PCDHA13: variants seen among roughly 807,000 people sequenced by gnomAD.
PCDHA13 encodes the protein protocadherin alpha 13, also known as protocadherin alpha-13.
A neutral mutation model predicts 64.8 loss-of-function variants in PCDHA13; 54 were observed. The ratio of observed to expected loss-of-function variants is 0.83; its 90% CI spans 0.67 to 1.04. PCDHA13 has a LOEUF of 1.04. PCDHA13 is among the 50% of genes least tolerant of loss of function. The probability of loss-of-function intolerance (pLI) is 0.00; values close to 1 mark genes in which losing one functional copy is unlikely to be tolerated. For missense variants in PCDHA13, 1,248 were observed against 1,254.3 expected (o/e 0.99, Z 0.08); for synonymous variants, 587 against 564.4 (o/e 1.04, Z -0.57).
chr5:140,919,239 C>G (rs2079049864), intron 1 of PCDHA13, among the ~76,000 whole-genome samples: 1 of 152,188 alleles, frequency 6.6e-6, no homozygotes, highest in Non-Finnish European at 1.5e-5. Context: ...CACTTTTTGT[C>G]TTGTCTGTTT....
At chr5:140,892,885 ACCAACCTTTCC>A (rs1269753589) in intron 1 of PCDHA13, among the ~76,000 whole-genome samples, 1 of 152,154 alleles carries the variant, frequency 6.6e-6, no homozygotes, top group Non-Finnish European at 1.5e-5. Flanking sequence ...GTATCCATTA[ACCAACCTTTCC>A]CCATCCTCCT....
chr5:140,886,961 C>T (rs1340952035), intron 1 of PCDHA13, among the ~76,000 whole-genome samples: 1 of 151,926 alleles, frequency 6.6e-6, no homozygotes, highest in South Asian at 2.1e-4. Context: ...CATTTAGCAA[C>T]GAAATTTATT....
chr5:140,911,420 C>T (rs1411930717), intron 1 of PCDHA13, among the ~76,000 whole-genome samples: 1 of 152,134 alleles, frequency 6.6e-6, no homozygotes, highest in Non-Finnish European at 1.5e-5. Context: ...ATGATAAGAA[C>T]TTGTGTCCAA....
intron 1 of PCDHA13, chr5:140,968,754 G>A (rs782271569): frequency 1.2e-5 from 19 of 1,614,052 alleles, no homozygotes; most frequent in South Asian, 2.2e-5. Context: ...GTGGTGGTCC[G>A]AGATAATGGA....
chr5:140,916,819 C>T (rs2077741305), intron 1 of PCDHA13, among the ~76,000 whole-genome samples: 1 of 152,084 alleles, frequency 6.6e-6, no homozygotes, highest in Non-Finnish European at 1.5e-5. Context: ...CATGTGCCAC[C>T]CCTATCCCTC....
rs782421721 is a variant in PCDHA13, at chr5:140,966,807, C to T, written c.2395-12142C>T. Reference sequence around the variant, plus strand: ...ACCAGACCTGCGGCGACAGAGCATCCACGGCTCCGGCGGCCCATGCCCTGG... The same window carrying T: ...ACCAGACCTGCGGCGACAGAGCATCTACGGCTCCGGCGGCCCATGCCCTGG... On this transcript the variant is annotated intron_variant, in intron 1 of 3. Transcript: ENST00000289272. 3 of 1,547,208 alleles carry T rather than the reference C, an allele frequency of 1.9e-6. No homozygotes were observed. The South Asian group carries it at 3.6e-5, about 18-fold the overall frequency.
chr5:140,916,559 G>C (rs1170876334), intron 1 of PCDHA13, among the ~76,000 whole-genome samples: 2 of 152,224 alleles, frequency 1.3e-5, no homozygotes, highest in African/African-American at 4.8e-5. Flanking sequence ...TATTTGTCCA[G>C]GGTGTGTCTA....
chr5:140,954,750 T>C (rs1045434392), intron 1 of PCDHA13, among the ~76,000 whole-genome samples: 7 of 152,228 alleles, frequency 4.6e-5, no homozygotes, highest in Non-Finnish European at 2.9e-5. Flanking sequence ...TAGTTTCTTT[T>C]GCTGTGCAGA....
At chr5:140,942,105 A>G (rs572263085) in intron 1 of PCDHA13, among the ~76,000 whole-genome samples, 2 of 152,344 alleles carry the variant, frequency 1.3e-5, no homozygotes, top group South Asian at 2.1e-4. Context: ...CATTCATATA[A>G]TCAAACTTTA....
At chr5:140,946,019 C>T (rs1014072062) in intron 1 of PCDHA13, among the ~76,000 whole-genome samples, 2 of 151,732 alleles carry the variant, frequency 1.3e-5, no homozygotes, top group African/African-American at 2.4e-5. Context: ...TCCTGCGCAG[C>T]AAAGAAAACA....
At chr5:140,909,868 G>A (rs782144709) in intron 1 of PCDHA13, among the ~76,000 whole-genome samples, 9 of 152,136 alleles carry the variant, frequency 5.9e-5, no homozygotes, top group Non-Finnish European at 8.8e-5. Flanking sequence ...TGGAGTCAAC[G>A]TCAGCTTAGA....
chr5:140,967,057 AGC>A, intron 1 of PCDHA13: 1 of 1,612,704 alleles, frequency 6.2e-7, no homozygotes, highest in Non-Finnish European at 8.5e-7. Context: ...TGACGAGTGG[AGC>A]GCTCTTCGTC....
intron 3 of PCDHA13, among the ~76,000 whole-genome samples, chr5:140,989,704 A>G (rs1011656518): frequency 9.2e-5 from 14 of 152,202 alleles, no homozygotes; most frequent in Admixed American, 9.2e-4. Context: ...TTTTATCTTC[A>G]GAGGCAGTCA....
In PCDHA13 at chr5:140,882,170, C is replaced by G; in HGVS notation, c.-99C>G. The G allele has an allele frequency of 6.6e-7, 1 of 1,513,564 alleles. No homozygotes were observed. Among genetic ancestry groups the G allele is most frequent in the Non-Finnish European group, 8.8e-7 (1 of 1,131,600 alleles). The allele number at this position is 1,513,564 out of a possible 1,614,324, so 93.8% of individuals were successfully genotyped here. Reference sequence around the variant, plus strand: ...GAAAGCGGAATACCTCTTGCGAATCCTTCCGCACTAGGAAGCCATAAAAAT... The same window carrying G: ...GAAAGCGGAATACCTCTTGCGAATCGTTCCGCACTAGGAAGCCATAAAAAT... On this transcript the variant is annotated 5_prime_UTR_variant, in exon 1 of 4. Coordinates refer to ENST00000289272, the MANE Select transcript of PCDHA13 (RefSeq NM_018904.3).
chr5:140,923,245 G>T (rs1584300888), intron 1 of PCDHA13, among the ~76,000 whole-genome samples: 3 of 152,190 alleles, frequency 2.0e-5, no homozygotes, highest in East Asian at 1.9e-4. Context: ...TTTGAGACCA[G>T]CTGGGCAACA....
At chr5:140,929,217 C>T (rs1183459158) in intron 1 of PCDHA13, 1 of 1,614,016 alleles carries the variant, frequency 6.2e-7, no homozygotes, top group Non-Finnish European at 8.5e-7. Flanking sequence ...GTGGGGAGTA[C>T]AATGCTGCCG....
Position 140,980,736 on chromosome 5 carries a change from A to G in PCDHA13, c.2453+1729A>G, listed in dbSNP as rs1014210313. 6.6e-5 allele frequency among the ~76,000 whole-genome samples: 10 copies of G among 152,312 alleles called. No individual in the cohort carries two copies. The East Asian group carries it at 1.9e-3, about 29-fold the overall frequency. ...TTCGGGTTTCAATTAAGATATTATG[A>G]GATTTGAGTAGGGTAAGAAATAAAA... On this transcript the variant is annotated intron_variant, in intron 2 of 3. Transcript: ENST00000289272.
At chr5:140,962,318 A>G (rs2095672102) in intron 1 of PCDHA13, among the ~76,000 whole-genome samples, 1 of 152,338 alleles carries the variant, frequency 6.6e-6, no homozygotes, top group South Asian at 2.1e-4. Context: ...GGCCATCTCA[A>G]TTGAGAATAC....
intron 1 of PCDHA13, among the ~76,000 whole-genome samples, chr5:140,925,773 A>G (rs2082712352): frequency 6.6e-6 from 1 of 151,966 alleles, no homozygotes; most frequent in African/African-American, 2.4e-5. Context: ...TCCTGGTCAA[A>G]CTCTAATGAG....
Sources: allele counts gnomAD v4.1 joint callset (sites outside exome capture counted in the v4.1 genomes callset), GRCh38; gene constraint gnomAD v4.1.1; transcripts MANE v1.5; gene names NCBI Gene and HGNC (gene_info 2026-07-23, HGNC 2026-07-21).